Variants in PPFIBP1 observed in about 807,000 individuals in gnomAD.
The protein encoded by PPFIBP1 is liprin-beta-1.
PPFIBP1 carries 112 observed loss-of-function variants against 137.8 expected under a neutral mutation model. That is an observed-to-expected ratio of 0.81 (90% CI 0.70 to 0.95). The LOEUF (loss-of-function observed/expected upper bound fraction) is 0.95, where lower values mean the gene tolerates loss of function less well. Among genes scored for constraint, PPFIBP1 ranks in the 40% least tolerant of loss-of-function variants. The pLI, the probability that PPFIBP1 is intolerant of heterozygous loss-of-function variation, is 0.00. For missense variants in PPFIBP1, 1,083 were observed against 1,196.6 expected (o/e 0.91, Z 1.40); for synonymous variants, 378 against 417.3 (o/e 0.91, Z 1.15).
intron 2 of PPFIBP1, among the ~76,000 whole-genome samples, chr12:27,617,050 G>A (rs375940907): frequency 1.3e-5 from 2 of 152,300 alleles, no homozygotes; most frequent in East Asian, 3.9e-4. Context: ...TCAAGAGGCA[G>A]CAAGATGTTT....
At chr12:27,610,037 G>C (rs2054931498) in intron 2 of PPFIBP1, among the ~76,000 whole-genome samples, 1 of 152,084 alleles carries the variant, frequency 6.6e-6, no homozygotes, top group Non-Finnish European at 1.5e-5. Context: ...TGCAGCCCCC[G>C]AGCTGTGTGG....
chr12:27,655,806 C>G (rs1393860540), intron 8 of PPFIBP1, among the ~76,000 whole-genome samples: 6 of 152,196 alleles, frequency 3.9e-5, no homozygotes, highest in Non-Finnish European at 8.8e-5. Flanking sequence ...ATAAATATAT[C>G]TTTAGAGATT....
chr12:27,647,456 A>G (rs562406717), intron 5 of PPFIBP1, among the ~76,000 whole-genome samples: 4 of 152,224 alleles, frequency 2.6e-5, no homozygotes, highest in African/African-American at 9.6e-5. Context: ...GCTGTCTTTC[A>G]TAAATGGTTG....
At chr12:27,624,190 G>A (rs768222821) in intron 2 of PPFIBP1, among the ~76,000 whole-genome samples, 3 of 152,124 alleles carry the variant, frequency 2.0e-5, no homozygotes, top group Non-Finnish European at 4.4e-5. Flanking sequence ...CGGCAGTCCT[G>A]TACATAGTTT....
intron 2 of PPFIBP1, among the ~76,000 whole-genome samples, chr12:27,611,153 A>G (rs751481182): frequency 2.4e-4 from 37 of 152,220 alleles, no homozygotes; most frequent in Non-Finnish European, 3.8e-4. Flanking sequence ...GGCATGAAAG[A>G]CAGTTGGTTG....
In PPFIBP1 at chr12:27,626,504, C is replaced by T. The variant is rs549004942; in HGVS notation, c.-35-6858C>T. Among the ~76,000 whole-genome samples the T allele has an allele frequency of 5.9e-5, 9 of 151,974 alleles. No homozygotes were observed. In the South Asian group the frequency reaches 1.0e-3, roughly 18 times the overall value. On this transcript the variant is annotated intron_variant, in intron 2 of 29. Coordinates refer to ENST00000228425, the MANE Select transcript of PPFIBP1 (RefSeq NM_003622.4). ...CCAGTGGGAGGGCTTGGAAAAACAC[C>T]GATTGCTGGGCCTGCCTCTGGTGTT...
intron 6 of PPFIBP1, among the ~76,000 whole-genome samples, chr12:27,649,646 G>A (rs2058751057): frequency 6.6e-6 from 1 of 151,902 alleles, no homozygotes; most frequent in African/African-American, 2.4e-5. Flanking sequence ...CGCCTCCTGG[G>A]TTCAAGTAAT....
chr12:27,690,226 A>C (rs149948996), intron 27 of PPFIBP1, among the ~76,000 whole-genome samples: 1 of 151,508 alleles, frequency 6.6e-6, no homozygotes, highest in East Asian at 1.9e-4. Context: ...ACATATAGGG[A>C]GGCCCAACTT....
chr12:27,634,882 G>T, intron 3 of PPFIBP1, 28 bp from the exon 4 acceptor site: 1 of 1,589,394 alleles, frequency 6.3e-7, no homozygotes, highest in South Asian at 1.1e-5. Context: ...AAATCCCATT[G>T]CTCTCTCTGT....
intron 1 of PPFIBP1, among the ~76,000 whole-genome samples, chr12:27,542,445 G>A (rs1945770696): frequency 6.6e-6 from 1 of 152,126 alleles, no homozygotes; most frequent in Admixed American, 6.5e-5. Flanking sequence ...TGCGGTTTTT[G>A]CCATTACTTG....
chr12:27,614,632 C>T lies in PPFIBP1; in HGVS notation c.-35-18730C>T, dbSNP rs542509426. 3.3e-5 allele frequency among the ~76,000 whole-genome samples: 5 copies of T among 152,152 alleles called. No individual in the cohort carries two copies. The South Asian group carries it at 6.2e-4, about 19-fold the overall frequency. ...AGGGATGGGTATAGGCAGAGAGAGC[C>T]GGTCTGCAGATTTTTCTACTCATTC... On this transcript the variant is annotated intron_variant, in intron 2 of 29. Transcript: ENST00000228425.
intron 7 of PPFIBP1, among the ~76,000 whole-genome samples, chr12:27,650,709 A>T (rs1398021875): frequency 6.6e-6 from 1 of 152,204 alleles, no homozygotes; most frequent in Non-Finnish European, 1.5e-5. Context: ...ACATTCTGTA[A>T]CTTGAAGTAT....
chr12:27,557,027 T>G (rs2048753860), intron 1 of PPFIBP1, among the ~76,000 whole-genome samples: 1 of 152,156 alleles, frequency 6.6e-6, no homozygotes, highest in Admixed American at 6.5e-5. Flanking sequence ...TTGTTTAATT[T>G]CAAAATCTGA....
chr12:27,681,902 A>G (rs894254913), intron 22 of PPFIBP1, among the ~76,000 whole-genome samples: 5 of 152,154 alleles, frequency 3.3e-5, no homozygotes, highest in African/African-American at 1.2e-4. Flanking sequence ...GGAACACTTA[A>G]GCCATTGGGC....
intron 25 of PPFIBP1, 36 bp downstream of exon 25, chr12:27,687,543 T>A: frequency 2.5e-6 from 4 of 1,605,412 alleles, no homozygotes; most frequent in Non-Finnish European, 3.4e-6. Flanking sequence ...AAGCATGCAC[T>A]TCCCAGGCAT....
chr12:27,688,737 G>C (rs751784938), intron 26 of PPFIBP1, among the ~76,000 whole-genome samples: 2 of 152,210 alleles, frequency 1.3e-5, no homozygotes, highest in Non-Finnish European at 2.9e-5. Flanking sequence ...GCTTAAGGAG[G>C]TGGCTCCCAC....
At chr12:27,580,168 GC>G (rs1163404091) in intron 2 of PPFIBP1, among the ~76,000 whole-genome samples, 1 of 152,144 alleles carries the variant, frequency 6.6e-6, no homozygotes, top group African/African-American at 2.4e-5. Flanking sequence ...ATAGAGGCAG[GC>G]CTGAGCTCAG....
chr12:27,689,003 T>C lies in PPFIBP1; in HGVS notation c.2497-12T>C, dbSNP rs768666942. The C allele has an allele frequency of 1.9e-6, 3 of 1,591,340 alleles. No homozygotes were observed. The Admixed American group carries it at 5.6e-5, about 30-fold the overall frequency. ...TGACTTTTGACAAGCTTTTTTTTTT[T>C]TCTTTAAACAGGTTCTAGAGCCTCG... On this transcript the variant is annotated splice_polypyrimidine_tract_variant and intron_variant, in intron 26 of 29. Coordinates refer to ENST00000228425, the MANE Select transcript of PPFIBP1 (RefSeq NM_003622.4).
chr12:27,563,277 T>TAAAAAAAAAAAAAAAAA lies in PPFIBP1; in HGVS notation c.-123-14861_-123-14845dup, dbSNP rs869044515. Reference sequence around the variant, plus strand: ...TAACACGGTGAAAACCCATCTCTACTAAAAAAAAAAAAAAAAAAAAAAAAA... The same window carrying TAAAAAAAAAAAAAAAAA: ...TAACACGGTGAAAACCCATCTCTACTAAAAAAAAAAAAAAAAAAAAAAAAAAAAAAAAAAAAAAAAAA... On this transcript the variant is annotated intron_variant, in intron 1 of 29. Coordinates refer to ENST00000228425, the MANE Select transcript of PPFIBP1 (RefSeq NM_003622.4). Among the ~76,000 whole-genome samples the TAAAAAAAAAAAAAAAAA allele has an allele frequency of 1.4e-3, 30 of 22,172 alleles. 3 individuals carry two copies. Among genetic ancestry groups the TAAAAAAAAAAAAAAAAA allele is most frequent in the Admixed American group, 2.9e-3 (3 of 1,050 alleles). The allele number at this position is 22,172 out of a possible 152,430, so 14.5% of individuals were successfully genotyped here. A position where few individuals can be genotyped will look rare whatever the true frequency, so the allele number is the denominator to read the frequency against.
Sources: gnomAD v4.1 joint callset for allele counts (sites outside exome capture counted in the v4.1 genomes callset) on GRCh38, gnomAD v4.1.1 for gene constraint, MANE v1.5 for transcripts, NCBI Gene and HGNC (gene_info 2026-07-23, HGNC 2026-07-21) for gene names.